The following SFMBT2 variants were observed in gnomAD, a reference collection of about 807,000 sequenced individuals.
SFMBT2 encodes scm-like with four MBT domains protein 2.
A neutral mutation model predicts 110.1 loss-of-function variants in SFMBT2; 38 were observed. The ratio of observed to expected loss-of-function variants is 0.35; its 90% CI spans 0.27 to 0.45. The LOEUF is 0.45. SFMBT2 is among the 20% of genes least tolerant of loss of function. The pLI, the probability that SFMBT2 is intolerant of heterozygous loss-of-function variation, is 1.00. For synonymous variants in SFMBT2, 425 were observed against 425.4 expected, an observed-to-expected ratio of 1.00 and a Z score of 0.01; for missense variants, 1,011 against 1,094.9, an observed-to-expected ratio of 0.92 and a Z score of 1.08.
At chr10:7,180,716 G>A (rs1838219328) in intron 16 of SFMBT2, among the ~76,000 whole-genome samples, 1 of 152,198 alleles carries the variant, frequency 6.6e-6, no homozygotes, top group Non-Finnish European at 1.5e-5. Context: ...CCAGGGAAAA[G>A]GATGGAAGTG....
intron 7 of SFMBT2, among the ~76,000 whole-genome samples, chr10:7,261,687 C>G (rs1166610245): frequency 6.6e-6 from 1 of 152,218 alleles, no homozygotes; most frequent in Admixed American, 6.5e-5. Context: ...AGCTTTAAAG[C>G]AGGTTTCCAC....
At chr10:7,287,530 G>A (rs1399671095) in intron 4 of SFMBT2, among the ~76,000 whole-genome samples, 1 of 152,142 alleles carries the variant, frequency 6.6e-6, no homozygotes, top group East Asian at 1.9e-4. Flanking sequence ...GCATCCCTGA[G>A]GGACCTGAGC....
chr10:7,371,997 G>C (rs1357138339), intron 2 of SFMBT2, among the ~76,000 whole-genome samples: 2 of 128,740 alleles, frequency 1.6e-5, no homozygotes, highest in African/African-American at 6.0e-5. Context: ...CGCGATCTCA[G>C]CTCACTACAA....
At chr10:7,314,975 A>G (rs1842946670) in intron 4 of SFMBT2, among the ~76,000 whole-genome samples, 1 of 149,880 alleles carries the variant, frequency 6.7e-6, no homozygotes, top group East Asian at 2.0e-4. Context: ...AGAGAGAGAG[A>G]GGGAGAAAGA....
intron 1 of SFMBT2, among the ~76,000 whole-genome samples, chr10:7,384,654 A>AT (rs1369503182): frequency 2.0e-5 from 3 of 152,272 alleles, no homozygotes; most frequent in East Asian, 1.9e-4. Flanking sequence ...GGGTTCTAAG[A>AT]TTTTTGCTGT....
rs145309952 is a variant in SFMBT2 at position 7,282,899 on chromosome 10, C to T, written c.772+1005G>A. Among the ~76,000 whole-genome samples the T allele has an allele frequency of 2.4e-4, 37 of 152,256 alleles. 1 individual carries two copies. The highest frequency in any genetic ancestry group is 3.4e-3 in the Middle Eastern group (1 of 294). On this transcript the variant is annotated intron_variant, in intron 6 of 20. Coordinates refer to ENST00000397167, the MANE Select transcript of SFMBT2 (RefSeq NM_001387889.1). ...AGATTCACCAATTTCTGAAAAAATA[C>T]GTACTTCCTCCTTGGCATCTCTAAT...
At chr10:7,360,920 C>T (rs1211744517) in intron 4 of SFMBT2, among the ~76,000 whole-genome samples, 1 of 152,142 alleles carries the variant, frequency 6.6e-6, no homozygotes, top group African/African-American at 2.4e-5. Context: ...TCAAAAATGG[C>T]TTTTTGACAA....
At position 7,171,009 on chromosome 10, in the gene SFMBT2, C is replaced by G; in HGVS notation, c.2463G>C (p.Pro821=). Residue 821 remains proline (P), a synonymous_variant, in exon 20 of 21, where the codon CCG becomes CCC. Transcript: ENST00000397167. The surrounding 1 kb of genome is among the most constrained non-coding windows in gnomAD (Gnocchi z 4.9). ...EEERLVLESN[P]LEWTVTDVVR... ...CCACGTCGGTGACCGTCCACTCCAA[C>G]GGGTTGCTCTCCAGAACCAGTCTCT... 1 of 1,614,202 alleles carries G rather than the reference C, an allele frequency of 6.2e-7. No homozygotes were observed. The highest frequency in any genetic ancestry group is 8.5e-7 in the Non-Finnish European group (1 of 1,180,034).
At chr10:7,356,514 C>T (rs1844519676) in intron 4 of SFMBT2, among the ~76,000 whole-genome samples, 1 of 152,220 alleles carries the variant, frequency 6.6e-6, no homozygotes, top group South Asian at 2.1e-4. Flanking sequence ...CTCCCGGGTT[C>T]AAGCAACTCT....
chr10:7,220,393 C>A lies in SFMBT2; in HGVS notation c.1330+18G>T. Reference sequence around the variant, plus strand: ...TCTACATTCCCCCCAGCGACTGCTACCCCCAGCGAGTACGTACCTTCCAGG... The same window carrying A: ...TCTACATTCCCCCCAGCGACTGCTAACCCCAGCGAGTACGTACCTTCCAGG... On this transcript the variant is annotated intron_variant, in intron 11 of 20. Transcript: ENST00000397167. 3 of 1,610,580 alleles carry A rather than the reference C, an allele frequency of 1.9e-6. No homozygotes were observed. Among genetic ancestry groups the A allele is most frequent in the East Asian group, 2.2e-5 (1 of 44,756 alleles).
intron 10 of SFMBT2, among the ~76,000 whole-genome samples, chr10:7,223,140 C>T (rs1839799797): frequency 6.6e-6 from 1 of 152,166 alleles, no homozygotes; most frequent in African/African-American, 2.4e-5. Flanking sequence ...ATTAAGTTTG[C>T]CTGTTTTTAG....
At chr10:7,277,396 C>G (rs1183087836) in intron 6 of SFMBT2, 1 of 243,902 alleles carries the variant, frequency 4.1e-6, no homozygotes, top group Admixed American at 6.5e-5. Context: ...CTACAAACGA[C>G]TCTAGTCTGG....
chr10:7,270,774 GGTAATT>G (rs1588403873), intron 7 of SFMBT2, among the ~76,000 whole-genome samples: 3 of 152,118 alleles, frequency 2.0e-5, no homozygotes, highest in Non-Finnish European at 4.4e-5. Context: ...AAGAAGGTAA[GGTAATT>G]GTATTTTGGA....
At chr10:7,186,483 T>TAAA (rs1838416935) in intron 16 of SFMBT2, among the ~76,000 whole-genome samples, 1 of 149,100 alleles carries the variant, frequency 6.7e-6, no homozygotes, top group Non-Finnish European at 1.5e-5. Context: ...TAAAAATATT[T>TAAA]TATTTGTTGT....
At position 7,340,311 on chromosome 10, in the gene SFMBT2, T is replaced by A. The variant is rs1029092843; in HGVS notation, c.436+27338A>T. ...AGTAGGTGAGGAGGAGGAGGAGGAG[T>A]TGGTCTTGCTGTCTCGTGGGTGGCA... On this transcript the variant is annotated intron_variant, in intron 4 of 20. Transcript: ENST00000397167. 2.6e-5 allele frequency among the ~76,000 whole-genome samples: 4 copies of A among 150,944 alleles called. No homozygotes were observed. The Admixed American group carries it at 2.7e-4, about 10-fold the overall frequency.
chr10:7,400,899 G>A (rs935662739), intron 1 of SFMBT2, among the ~76,000 whole-genome samples: 13 of 152,184 alleles, frequency 8.5e-5, no homozygotes, highest in African/African-American at 1.7e-4. Context: ...TCAGGAAGCC[G>A]AGGCGGGCGG....
rs557786688 is a variant in SFMBT2 at position 7,375,995 on chromosome 10, G to A, written c.101-5620C>T. On this transcript the variant is annotated intron_variant, in intron 2 of 20. Transcript: ENST00000397167. ...AGTTAATACCAAATGCCAAGAAGAA[G>A]AATCAAGCTCACATTTTCAGCATAA... 2.2e-4 allele frequency among the ~76,000 whole-genome samples: 33 copies of A among 152,190 alleles called. 1 individual carries two copies. In the South Asian group the frequency reaches 5.6e-3, roughly 26 times the overall value.
chr10:7,366,076 CACAG>C (rs1485115967), intron 4 of SFMBT2, among the ~76,000 whole-genome samples: 3 of 152,104 alleles, frequency 2.0e-5, no homozygotes, highest in African/African-American at 7.2e-5. Flanking sequence ...GGCCCATGAG[CACAG>C]ACAGTGTCAA....
At chr10:7,237,604 A>G (rs1211787248) in intron 9 of SFMBT2, among the ~76,000 whole-genome samples, 2 of 152,066 alleles carry the variant, frequency 1.3e-5, no homozygotes, top group African/African-American at 2.4e-5. Context: ...GAGAATGGGG[A>G]CAGAGCTTCA....
Sources: allele counts gnomAD v4.1 joint callset (sites outside exome capture counted in the v4.1 genomes callset), GRCh38; gene constraint gnomAD v4.1.1; non-coding constraint Gnocchi (gnomAD v3.1); transcripts MANE v1.5; gene names NCBI Gene and HGNC (gene_info 2026-07-23, HGNC 2026-07-21).